The following KRTAP10-3 variants were observed in gnomAD, a reference collection of about 807,000 sequenced individuals.
The protein encoded by KRTAP10-3 is keratin-associated protein 10-3.
For missense variants in KRTAP10-3, 341 were observed against 293.4 expected (o/e 1.16, Z -1.19); for synonymous variants, 151 against 126.2 (o/e 1.20, Z -1.32).
chr21:44,558,276 C>T lies in KRTAP10-3; in HGVS notation c.440G>A (p.Cys147Tyr), dbSNP rs202093502. The T allele has an allele frequency of 1.2e-4, 199 of 1,613,970 alleles. No homozygotes were observed. Among genetic ancestry groups the T allele is most frequent in the Non-Finnish European group, 1.6e-4 (185 of 1,180,010 alleles). Residue 147 changes from cysteine (C) to tyrosine (Y), a missense_variant, in exon 1 of 1, where the codon TGC (cysteine) becomes TAC (tyrosine). By Grantham distance (194) the Cys-to-Tyr change is radical. Transcript: ENST00000391620. ...CQQSSRQPAC[C>Y]TTSCCRPSSS... ...GGAGGGTCTGCAGCAGGAGGTGGTG[C>T]AGCAAGCCGGCTGGCGGCTAGACTG... is the stretch of plus-strand genomic sequence containing the variant.
At position 44,558,517 on chromosome 21, in the gene KRTAP10-3, A is replaced by G. The variant is rs781815858; in HGVS notation, c.199T>C (p.Cys67Arg). ...CCQAACEPSP[C>R]QSGCTSSCTP... is the part of the protein sequence containing the mutation. ...CAGGAGCTGGTGCAGCCTGACTGGC[A>G]GGGGCTGGGCTCACAGGCCGCCTGG... Residue 67 changes from cysteine (C) to arginine (R), a missense_variant, in exon 1 of 1, where the codon TGC becomes CGC. Cys to Arg is a radical substitution (Grantham distance 180). Transcript: ENST00000391620. 9 of 1,613,512 alleles carry G rather than the reference A, an allele frequency of 5.6e-6. No individual in the cohort carries two copies. In the South Asian group the frequency reaches 8.8e-5, roughly 16 times the overall value.
chr21:44,558,000 G>C lies in KRTAP10-3; in HGVS notation c.*50C>G, dbSNP rs373079229. 6.4e-7 allele frequency: 1 copy of C among 1,563,840 alleles called. No homozygotes were observed. The highest frequency in any genetic ancestry group is 8.7e-7 in the Non-Finnish European group (1 of 1,153,350). The stretch of plus-strand genomic sequence containing the variant: ...AGGGCTCAGGGCTGCAAGGATTTTC[G>C]GAAGTCAGAGATGGCCCTGGAACAA... On this transcript the variant is annotated 3_prime_UTR_variant, in exon 1 of 1. Coordinates refer to ENST00000391620, the MANE Select transcript of KRTAP10-3 (RefSeq NM_198696.3).
chr21:44,558,720 G>A lies in KRTAP10-3; in HGVS notation c.-5C>T, dbSNP rs1555920519. Reference sequence around the variant, plus strand: ...GGACATGGTAGACGTGGCCATGCTGGGGTGGGGAGGAGGTGAGCTGGGGGA... The same window carrying A: ...GGACATGGTAGACGTGGCCATGCTGAGGTGGGGAGGAGGTGAGCTGGGGGA... On this transcript the variant is annotated 5_prime_UTR_variant, in exon 1 of 1. Transcript: ENST00000391620. 1 of 1,587,938 alleles carries A rather than the reference G, an allele frequency of 6.3e-7. No individual in the cohort carries two copies. The highest frequency in any genetic ancestry group is 8.6e-7 in the Non-Finnish European group (1 of 1,166,364).
Position 44,557,887 on chromosome 21 carries a change from G to T in KRTAP10-3, c.*163C>A, listed in dbSNP as rs2053559617. ...TGGCCAGCATGGAGATGAGGGTGTG[G>T]GAGAGATGCATGCCTGGAGGGAATC... On this transcript the variant is annotated 3_prime_UTR_variant, in exon 1 of 1. Transcript: ENST00000391620. 3 of 820,650 alleles carry T rather than the reference G, an allele frequency of 3.7e-6. No individual in the cohort carries two copies. The highest frequency in any genetic ancestry group is 5.7e-6 in the Non-Finnish European group (3 of 526,848). The allele number at this position is 820,650 out of a possible 1,614,324, so 50.8% of individuals were successfully genotyped here.
chr21:44,558,475 G>A lies in KRTAP10-3; in HGVS notation c.241C>T (p.Gln81Ter), dbSNP rs782374777. 6.2e-7 allele frequency: 1 copy of A among 1,614,062 alleles called. No individual in the cohort carries two copies. The highest frequency in any genetic ancestry group is 1.7e-5 in the Admixed American group (1 of 60,024). The change falls in exon 1 of 1, where the codon CAG becomes TAG. Residue 81 changes from glutamine to a stop codon, truncating the protein, a stop_gained. Transcript: ENST00000391620. LOFTEE classifies it low-confidence loss of function (END_TRUNC). The part of the protein sequence containing the change: ...CTSSCTPSCC[Q>*]QSSCQPACCT... ...CAAGCTGGCTGGCAGCTAGACTGCT[G>A]GCAGCACGAGGGCGTGCAGGAGCTG...
Position 44,557,911 on chromosome 21 carries a change from TC to T in KRTAP10-3, c.*138del. The T allele has an allele frequency of 9.9e-7, 1 of 1,011,708 alleles. No homozygotes were observed. Among genetic ancestry groups the T allele is most frequent in the South Asian group, 1.7e-5 (1 of 59,516 alleles). The allele number at this position is 1,011,708 out of a possible 1,614,324, so 62.7% of individuals were successfully genotyped here. A position where few individuals can be genotyped will look rare whatever the true frequency, so the allele number is the denominator to read the frequency against. ...GGGAGAGATGCATGCCTGGAGGGAA[TC>T]GGCATGAAAGCTCAGCATTGCTGGC... On this transcript the variant is annotated 3_prime_UTR_variant, in exon 1 of 1. Coordinates refer to ENST00000391620, the MANE Select transcript of KRTAP10-3 (RefSeq NM_198696.3).
chr21:44,558,793 T>G lies in KRTAP10-3; in HGVS notation c.-78A>C. 9.2e-6 allele frequency: 14 copies of G among 1,526,154 alleles called. No individual in the cohort carries two copies. The highest frequency in any genetic ancestry group is 1.2e-5 in the Non-Finnish European group (14 of 1,129,506). 94.5% of individuals were successfully genotyped at this position (1,526,154 alleles called of 1,614,324 possible). On this transcript the variant is annotated 5_prime_UTR_variant, in exon 1 of 1. Coordinates refer to ENST00000391620, the MANE Select transcript of KRTAP10-3 (RefSeq NM_198696.3). Reference sequence around the variant, plus strand: ...AGTGAGTGAGGGAGTGAGTGAGTGATCGTGCCAGGCCTCTGAGTGGTCGGA... The same window carrying G: ...AGTGAGTGAGGGAGTGAGTGAGTGAGCGTGCCAGGCCTCTGAGTGGTCGGA...
Position 44,558,656 on chromosome 21 carries a change from G to C in KRTAP10-3, c.60C>G (p.Asp20Glu), listed in dbSNP as rs111327969. Residue 20 changes from aspartate (D) to glutamate (E), a missense_variant, in exon 1 of 1, where the codon GAC becomes GAG. By Grantham distance (45) the Asp-to-Glu change is conservative. Transcript: ENST00000391620. ...SSAYSDSWQV[D>E]ACPESCCEPP... ...GCTCACAGCAGCTCTCTGGGCAGGC[G>C]TCCACCTGCCAGGAGTCAGAGTAAG... 3 of 1,613,272 alleles carry C rather than the reference G, an allele frequency of 1.9e-6. No homozygotes were observed. Among genetic ancestry groups the C allele is most frequent in the Non-Finnish European group, 2.5e-6 (3 of 1,179,878 alleles).
Position 44,557,943 on chromosome 21 carries a change from G to T in KRTAP10-3, c.*107C>A, listed in dbSNP as rs1381468836. ...GAAAGCTCAGCATTGCTGGCTGGAG[G>T]TGCAGTGGCTATGGGCAGAGGAGAC... On this transcript the variant is annotated 3_prime_UTR_variant, in exon 1 of 1. Coordinates refer to ENST00000391620, the MANE Select transcript of KRTAP10-3 (RefSeq NM_198696.3). 3 of 1,279,350 alleles carry T rather than the reference G, an allele frequency of 2.3e-6. No homozygotes were observed. The highest frequency in any genetic ancestry group is 2.5e-5 in the Admixed American group (1 of 39,484). The allele number at this position is 1,279,350 out of a possible 1,614,324, so 79.2% of individuals were successfully genotyped here.
rs782733511 is a variant in KRTAP10-3 at position 44,558,512 on chromosome 21, C to T, written c.204G>A (p.Gln68=). 2.9e-5 allele frequency: 46 copies of T among 1,613,610 alleles called. No individual in the cohort carries two copies. The Admixed American group carries it at 3.2e-4, about 11-fold the overall frequency. ...CQAACEPSPC[Q]SGCTSSCTPS... ...GCGTGCAGGAGCTGGTGCAGCCTGA[C>T]TGGCAGGGGCTGGGCTCACAGGCCG... Residue 68 remains glutamine, a synonymous_variant, in exon 1 of 1, where the codon CAG becomes CAA. Transcript: ENST00000391620.
Position 44,558,765 on chromosome 21 carries a change from G to C in KRTAP10-3, c.-50C>G. ...GGGGGAGACGTGAGTGAGTGAGTGT[G>C]GGAGTGAGTGAGGGAGTGAGTGAGT... is the stretch of plus-strand genomic sequence containing the variant. On this transcript the variant is annotated 5_prime_UTR_variant, in exon 1 of 1. Transcript: ENST00000391620. 1 of 1,560,472 alleles carries C rather than the reference G, an allele frequency of 6.4e-7. No homozygotes were observed. The highest frequency in any genetic ancestry group is 2.1e-4 in the Middle Eastern group (1 of 4,836).
In KRTAP10-3 at chr21:44,558,284, C is replaced by A. The variant is rs376521134; in HGVS notation, c.432G>T (p.Pro144=). 7.4e-6 allele frequency: 12 copies of A among 1,614,024 alleles called. No individual in the cohort carries two copies. Among genetic ancestry groups the A allele is most frequent in the Admixed American group, 6.7e-5 (4 of 60,024 alleles). The part of the protein sequence containing the change: ...SSCCQQSSRQ[P]ACCTTSCCRP... ...TGCAGCAGGAGGTGGTGCAGCAAGC[C>A]GGCTGGCGGCTAGACTGCTGGCAGC... The change falls in exon 1 of 1, where the codon CCG becomes CCT. Residue 144 remains proline (P), a synonymous_variant. Transcript: ENST00000391620.
Position 44,558,098 on chromosome 21 carries a change from G to T in KRTAP10-3, c.618C>A (p.Leu206=). 1.2e-6 allele frequency: 2 copies of T among 1,609,588 alleles called. No individual in the cohort carries two copies. The highest frequency in any genetic ancestry group is 1.7e-6 in the Non-Finnish European group (2 of 1,176,954). ...AGGAGAGGCCGCAGCACGCGGAAGA[G>T]AGGCGGGAGCACGTGGGGCGGCAGA... ...SLLCRPTCSR[L]SSACCGLSSG... The change falls in exon 1 of 1, where the codon CTC becomes CTA. Residue 206 remains leucine, a synonymous_variant. Transcript: ENST00000391620.
Position 44,558,038 on chromosome 21 carries a change from G to A in KRTAP10-3, c.*12C>T, listed in dbSNP as rs782684093. On this transcript the variant is annotated 3_prime_UTR_variant, in exon 1 of 1. Coordinates refer to ENST00000391620, the MANE Select transcript of KRTAP10-3 (RefSeq NM_198696.3). ...GGCCCTGGAACAACTCTGGAGAAAC[G>A]GGACCTGCCCGTCAGCAGCTGGACT... 27 of 1,593,556 alleles carry A rather than the reference G, an allele frequency of 1.7e-5. No homozygotes were observed. Among genetic ancestry groups the A allele is most frequent in the Middle Eastern group, 1.7e-4 (1 of 5,954 alleles).
Position 44,557,956 on chromosome 21 carries a change from G to A in KRTAP10-3, c.*94C>T. On this transcript the variant is annotated 3_prime_UTR_variant, in exon 1 of 1. Transcript: ENST00000391620. ...TGCTGGCTGGAGGTGCAGTGGCTAT[G>A]GGCAGAGGAGACTCAGACAGGGCTC... is the stretch of plus-strand genomic sequence containing the variant. 1 of 1,416,738 alleles carries A rather than the reference G, an allele frequency of 7.1e-7. No individual in the cohort carries two copies. Among genetic ancestry groups the A allele is most frequent in the Non-Finnish European group, 9.6e-7 (1 of 1,041,328 alleles). The allele number at this position is 1,416,738 out of a possible 1,614,324, so 87.8% of individuals were successfully genotyped here.
At position 44,557,877 on chromosome 21, in the gene KRTAP10-3, TGAG is replaced by T. The variant is rs2053559316; in HGVS notation, c.*170_*172del. 6.6e-6 allele frequency: 5 copies of T among 754,086 alleles called. No homozygotes were observed. In the East Asian group the frequency reaches 1.4e-4, roughly 20 times the overall value. The allele number at this position is 754,086 out of a possible 1,614,324, so 46.7% of individuals were successfully genotyped here. On this transcript the variant is annotated 3_prime_UTR_variant, in exon 1 of 1. Coordinates refer to ENST00000391620, the MANE Select transcript of KRTAP10-3 (RefSeq NM_198696.3). ...GACCACCGGCTGGCCAGCATGGAGA[TGAG>T]GGTGTGGGAGAGATGCATGCCTGGA...
rs587762251 is a variant in KRTAP10-3 at position 44,558,591 on chromosome 21, C to G, written c.125G>C (p.Cys42Ser). 171 of 1,611,754 alleles carry G rather than the reference C, an allele frequency of 1.1e-4. 1 individual carries two copies. The African/African-American group carries it at 1.4e-3, about 13-fold the overall frequency. Residue 42 changes from cysteine to serine, a missense_variant, in exon 1 of 1, where the codon TGC becomes TCC. Physicochemically the swap from Cys to Ser is moderately radical, Grantham distance 112. Transcript: ENST00000391620. ...CATSCCAPAPCLTLVCTPVSC... is the reference protein window; with the variant it reads ...CATSCCAPAPSLTLVCTPVSC... ...CACTGGGGTGCAGACCAGGGTCAGG[C>G]AGGGGGCCGGGGCGCAGCAGCTGGT...
chr21:44,558,535 C>T lies in KRTAP10-3; in HGVS notation c.181G>A (p.Ala61Thr), dbSNP rs1403079744. 1.3e-5 allele frequency: 21 copies of T among 1,613,250 alleles called. No individual in the cohort carries two copies. Among genetic ancestry groups the T allele is most frequent in the Middle Eastern group, 1.7e-4 (1 of 5,800 alleles). Residue 61 changes from alanine (A) to threonine (T), a missense_variant, in exon 1 of 1, where the codon GCC becomes ACC. Transcript: ENST00000391620. ...SCVSSPCCQA[A>T]CEPSPCQSGC... Reference sequence around the variant, plus strand: ...GACTGGCAGGGGCTGGGCTCACAGGCCGCCTGGCAGCAGGGGCTGGACACA... The same window carrying T: ...GACTGGCAGGGGCTGGGCTCACAGGTCGCCTGGCAGCAGGGGCTGGACACA...
chr21:44,557,809 T>C lies in KRTAP10-3; in HGVS notation c.*241A>G. The C allele has an allele frequency of 1.8e-6, 1 of 569,222 alleles. No homozygotes were observed. Among genetic ancestry groups the C allele is most frequent in the Non-Finnish European group, 3.1e-6 (1 of 324,276 alleles). The allele number at this position is 569,222 out of a possible 1,614,324, so 35.3% of individuals were successfully genotyped here. A position where few individuals can be genotyped will look rare whatever the true frequency, so the allele number is the denominator to read the frequency against. Reference sequence around the variant, plus strand: ...CTCTGAGAGGGCACATTGGTGACTTTATTTGTTGACAGACTGATCACTCAC... The same window carrying C: ...CTCTGAGAGGGCACATTGGTGACTTCATTTGTTGACAGACTGATCACTCAC... On this transcript the variant is annotated 3_prime_UTR_variant, in exon 1 of 1. Coordinates refer to ENST00000391620, the MANE Select transcript of KRTAP10-3 (RefSeq NM_198696.3).
Sources: allele counts gnomAD v4.1 joint callset, GRCh38; gene constraint gnomAD v4.1.1; transcripts MANE v1.5; gene names NCBI Gene and HGNC (gene_info 2026-07-23, HGNC 2026-07-21).